Variants in RBFOX1 observed in about 807,000 individuals in gnomAD.
The protein encoded by RBFOX1 is RNA binding fox-1 homolog 1.
Under a neutral mutation model 57.7 loss-of-function variants are expected in RBFOX1, and 8 were observed. The observed-to-expected ratio is 0.14, with a 90% confidence interval of 0.08 to 0.25. RBFOX1 has a LOEUF of 0.25. Among genes scored for constraint, RBFOX1 ranks in the 10% least tolerant of loss-of-function variants. The pLI, the probability that RBFOX1 is intolerant of heterozygous loss-of-function variation, is 1.00. For synonymous variants in RBFOX1, 326 were observed against 222.4 expected (o/e 1.47, Z -4.15); for missense variants, 611 against 548.5 (o/e 1.11, Z -1.14).
intron 3 of RBFOX1, among the ~76,000 whole-genome samples, chr16:6,701,178 CT>C (rs1250773139): frequency 1.3e-5 from 2 of 151,496 alleles, no homozygotes; most frequent in Admixed American, 6.6e-5. Flanking sequence ...GCTGAAATGG[CT>C]GGGACTTTAC....
At chr16:7,223,988 A>T (rs2092923138) in intron 4 of RBFOX1, among the ~76,000 whole-genome samples, 1 of 152,044 alleles carries the variant, frequency 6.6e-6, no homozygotes. Flanking sequence ...TTTAATGTGA[A>T]TTATAAGTAC....
At chr16:6,311,669 T>G (rs141583149) in intron 1 of RBFOX1, among the ~76,000 whole-genome samples, 3 of 152,118 alleles carry the variant, frequency 2.0e-5, no homozygotes, top group African/African-American at 7.2e-5. Flanking sequence ...CAGGAAGGCA[T>G]GAATCTTTCG....
At chr16:6,953,505 C>T (rs1032754300) in intron 3 of RBFOX1, among the ~76,000 whole-genome samples, 1 of 152,118 alleles carries the variant, frequency 6.6e-6, no homozygotes, top group Non-Finnish European at 1.5e-5. Context: ...TCTGCTTCAG[C>T]CTCCCGAGTA....
At chr16:6,957,045 TCGGCAGAGCAGCCCAAGGGCTGCTGGTTG>T (rs528282306) in intron 3 of RBFOX1, among the ~76,000 whole-genome samples, 6,419 of 151,978 alleles carry the variant, frequency 0.042, 431 homozygotes, top group African/African-American at 0.14. Flanking sequence ...GCATATTCCA[TCGGCAGAGCAGCCCAAGGGCTGCTGGTTG>T]CCCATGTTTT....
At chr16:5,355,081 G>T (rs1381099157) in intron 1 of RBFOX1, among the ~76,000 whole-genome samples, 1 of 151,568 alleles carries the variant, frequency 6.6e-6, no homozygotes, top group Non-Finnish European at 1.5e-5. Context: ...AAATAAGAGA[G>T]AATAAAAGAG....
chr16:6,690,396 AAG>A (rs1340566833), intron 3 of RBFOX1, among the ~76,000 whole-genome samples: 1 of 152,196 alleles, frequency 6.6e-6, no homozygotes, highest in Non-Finnish European at 1.5e-5. Context: ...AATTCATATA[AAG>A]GGCCATCACA....
chr16:5,812,609 G>A (rs1026599029), intron 3 of RBFOX1, among the ~76,000 whole-genome samples: 4 of 151,784 alleles, frequency 2.6e-5, no homozygotes, highest in African/African-American at 9.7e-5. Flanking sequence ...ACAAGTGTGT[G>A]CCATCATGTC....
At chr16:7,418,720 G>C (rs1439610767) in intron 4 of RBFOX1, among the ~76,000 whole-genome samples, 6 of 152,042 alleles carry the variant, frequency 3.9e-5, no homozygotes. Flanking sequence ...CTGCTCTCTA[G>C]AACTAATACT....
At chr16:7,191,249 A>G (rs1370837462) in intron 4 of RBFOX1, among the ~76,000 whole-genome samples, 3 of 151,922 alleles carry the variant, frequency 2.0e-5, no homozygotes, top group African/African-American at 7.3e-5. Context: ...TTAATATTTG[A>G]TGGGAGAAGT....
At chr16:6,644,913 C>A in intron 2 of RBFOX1, among the ~76,000 whole-genome samples, 1 of 152,150 alleles carries the variant, frequency 6.6e-6, no homozygotes, top group East Asian at 1.9e-4. Context: ...GCTCCTTGAT[C>A]CTCTGTATTT....
intron 4 of RBFOX1, among the ~76,000 whole-genome samples, chr16:7,270,720 T>A (rs2095297844): frequency 1.3e-5 from 2 of 152,244 alleles, no homozygotes; most frequent in South Asian, 4.1e-4. Context: ...ACTGTTTCTT[T>A]CAGTAATTGA....
rs1042838286 is a variant in RBFOX1 at position 7,368,790 on chromosome 16, A to T, written c.28-149357A>T. 8.1e-4 allele frequency among the ~76,000 whole-genome samples: 123 copies of T among 151,508 alleles called. 1 individual carries two copies. Among genetic ancestry groups the T allele is most frequent in the African/African-American group, 1.4e-3 (56 of 40,926 alleles). On this transcript the variant is annotated intron_variant, in intron 4 of 15. Coordinates refer to ENST00000550418, the MANE Select transcript of RBFOX1 (RefSeq NM_018723.4). ...GCGAGACTCTGTCTCAAAAAAAAAA[A>T]AAAAAATAAAAATAATTGGAGTGTA...
intron 3 of RBFOX1, among the ~76,000 whole-genome samples, chr16:6,790,190 T>G (rs532033675): frequency 4.0e-4 from 59 of 146,712 alleles, no homozygotes; most frequent in African/African-American, 1.5e-3. Flanking sequence ...ATTATTATTA[T>G]TATTATTATT....
chr16:5,263,239 CA>C (rs2062779098), intron 1 of RBFOX1, among the ~76,000 whole-genome samples: 1 of 152,006 alleles, frequency 6.6e-6, no homozygotes, highest in Non-Finnish European at 1.5e-5. Context: ...GACTCAGGGA[CA>C]AAGTTTGGTA....
At chr16:5,258,539 C>T (rs539338034) in intron 1 of RBFOX1, among the ~76,000 whole-genome samples, 1 of 152,212 alleles carries the variant, frequency 6.6e-6, no homozygotes, top group South Asian at 2.1e-4. Context: ...TTTCTTTGAG[C>T]AAAGATAATA....
chr16:6,049,304 TCCAC>T (rs2095527964), intron 1 of RBFOX1, among the ~76,000 whole-genome samples: 1 of 142,446 alleles, frequency 7.0e-6, no homozygotes, highest in Non-Finnish European at 1.5e-5. Context: ...CTTCGGGTGA[TCCAC>T]CCACCTCAGT....
chr16:7,117,380 G>C (rs1462180622), intron 4 of RBFOX1, among the ~76,000 whole-genome samples: 1 of 152,184 alleles, frequency 6.6e-6, no homozygotes, highest in Non-Finnish European at 1.5e-5. Flanking sequence ...AAAGTATGTG[G>C]ATGTGAAGGG....
intron 4 of RBFOX1, among the ~76,000 whole-genome samples, chr16:7,306,854 A>G (rs901271536): frequency 1.3e-5 from 2 of 152,148 alleles, no homozygotes; most frequent in Non-Finnish European, 2.9e-5. Flanking sequence ...TAATCTCCAC[A>G]TACATAAATC....
intron 3 of RBFOX1, among the ~76,000 whole-genome samples, chr16:6,668,727 TATTA>T: frequency 6.6e-6 from 1 of 152,348 alleles, no homozygotes; most frequent in East Asian, 1.9e-4. Context: ...TGAAATTTTG[TATTA>T]ATTGGGGCTG....
Sources: allele counts gnomAD v4.1 joint callset (sites outside exome capture counted in the v4.1 genomes callset), GRCh38; gene constraint gnomAD v4.1.1; transcripts MANE v1.5; gene names NCBI Gene and HGNC (gene_info 2026-07-23, HGNC 2026-07-21).